Variants in TACC2 observed in about 807,000 individuals in gnomAD.
TACC2 encodes the protein transforming acidic coiled-coil-containing protein 2.
TACC2 carries 137 observed loss-of-function variants against 227.3 expected under a neutral mutation model. That is an observed-to-expected ratio of 0.60 (90% CI 0.52 to 0.69). The LOEUF (loss-of-function observed/expected upper bound fraction) is 0.69. Among genes scored for constraint, TACC2 ranks in the 30% least tolerant of loss-of-function variants. TACC2 has a pLI of 0.00. For missense variants in TACC2, 3,470 were observed against 3,694.4 expected, an observed-to-expected ratio of 0.94 and a Z score of 1.57; for synonymous variants, 1,523 against 1,487.5, an observed-to-expected ratio of 1.02 and a Z score of -0.55.
At chr10:122,022,629 T>G (rs1463185031) in intron 2 of TACC2, 1 of 152,252 alleles carries the variant, frequency 6.6e-6, no homozygotes, top group East Asian at 1.9e-4. Context: ...TTTCCTAGGT[T>G]GTGTCCACCC....
chr10:122,253,524 C>T (rs895012051), intron 22 of TACC2, among the ~76,000 whole-genome samples: 3 of 152,172 alleles, frequency 2.0e-5, no homozygotes, highest in Non-Finnish European at 2.9e-5. Flanking sequence ...TTTGGCATCC[C>T]TCTGAGCAAT....
chr10:122,008,264 A>ATTATTATTTTATTT, intron 1 of TACC2, among the ~76,000 whole-genome samples: 3 of 134,650 alleles, frequency 2.2e-5, no homozygotes, highest in South Asian at 2.4e-4. Flanking sequence ...TATTATTATT[A>ATTATTATTTTATTT]TTTTTTTTTT....
chr10:122,191,502 T>C (rs573160598), intron 7 of TACC2, among the ~76,000 whole-genome samples: 2 of 152,216 alleles, frequency 1.3e-5, no homozygotes, highest in Non-Finnish European at 2.9e-5. Flanking sequence ...ACACTAATGA[T>C]AGCTGATGAG....
chr10:122,013,093 C>A (rs1452187539), intron 1 of TACC2, among the ~76,000 whole-genome samples: 1 of 152,178 alleles, frequency 6.6e-6, no homozygotes, highest in Non-Finnish European at 1.5e-5. Context: ...CCCAGCCTCT[C>A]ACGAGCAGAG....
At chr10:122,002,164 C>T (rs901239897) in intron 1 of TACC2, among the ~76,000 whole-genome samples, 15 of 152,146 alleles carry the variant, frequency 9.9e-5, no homozygotes, top group African/African-American at 3.6e-4. Context: ...GATAAAGGGA[C>T]CATTTCTCTC....
chr10:122,113,798 G>C (rs547305460), intron 5 of TACC2, among the ~76,000 whole-genome samples: 7 of 152,238 alleles, frequency 4.6e-5, no homozygotes, highest in Admixed American at 2.0e-4. Context: ...CGCACTTCGG[G>C]GATCCGGCGC....
chr10:121,992,309 T>C (rs1419365508), intron 1 of TACC2, among the ~76,000 whole-genome samples: 1 of 152,112 alleles, frequency 6.6e-6, no homozygotes. Flanking sequence ...GCTGAGAAAG[T>C]GAAAAACCTG....
intron 1 of TACC2, among the ~76,000 whole-genome samples, chr10:122,020,312 TTGTG>T (rs10556316): frequency 0.041 from 6,224 of 150,462 alleles, 179 homozygotes; most frequent in Non-Finnish European, 0.059. Context: ...GAGCATGTGA[TTGTG>T]TGTGTGTGTG....
In TACC2 at chr10:122,085,487, C is replaced by A. The variant is rs369386229; in HGVS notation, c.2987C>A (p.Ala996Glu). 3.5e-5 allele frequency: 57 copies of A among 1,613,690 alleles called. No homozygotes were observed. The African/African-American group carries it at 7.2e-4, about 20-fold the overall frequency. Residue 996 changes from alanine to glutamate, a missense_variant, in exon 4 of 23, where the codon GCA becomes GAA. Transcript: ENST00000369005. The stretch of plus-strand genomic sequence containing the variant: ...CAGGGGCCAAACAAGTCTCAACAGG[C>A]ATTGGCTGATGCCTTGGAAGAAGGC... The part of the protein sequence containing the change: ...TGQGPNKSQQ[A>E]LADALEEGSQ...
intron 8 of TACC2, among the ~76,000 whole-genome samples, chr10:122,204,934 T>A (rs2095053960): frequency 6.6e-6 from 1 of 152,124 alleles, no homozygotes; most frequent in African/African-American, 2.4e-5. Flanking sequence ...AGTGGGGCTG[T>A]CACTCCAACA....
At chr10:122,136,289 G>A (rs1398957066) in intron 6 of TACC2, among the ~76,000 whole-genome samples, 3 of 151,974 alleles carry the variant, frequency 2.0e-5, no homozygotes, top group Admixed American at 6.6e-5. Flanking sequence ...CTAAGCGGGC[G>A]TCCTAGTGTG....
chr10:122,086,367 C>G lies in TACC2; in HGVS notation c.3867C>G (p.Gly1289=), dbSNP rs1332385929. The change falls in exon 4 of 23, where the codon GGC becomes GGG. Residue 1289 remains glycine (G), a synonymous_variant. Transcript: ENST00000369005. ...CTGCCTCCTTGAAGCTGTTTGCTGG[C>G]TCCCTCGCCCCCCTGTTGCAACCAG... ...ENAASLKLFA[G]SLAPLLQPGA... is the part of the protein sequence containing the mutation. 1 of 1,613,668 alleles carries G rather than the reference C, an allele frequency of 6.2e-7. No individual in the cohort carries two copies. Among genetic ancestry groups the G allele is most frequent in the Admixed American group, 1.7e-5 (1 of 60,032 alleles).
At chr10:122,036,346 C>T (rs576987281) in intron 2 of TACC2, among the ~76,000 whole-genome samples, 73 of 151,036 alleles carry the variant, frequency 4.8e-4, no homozygotes, top group African/African-American at 1.8e-3. Context: ...GTGCCTGCCA[C>T]CACGCCCGGC....
chr10:122,202,888 C>G (rs1284485380), intron 8 of TACC2, among the ~76,000 whole-genome samples: 1 of 151,062 alleles, frequency 6.6e-6, no homozygotes, highest in Non-Finnish European at 1.5e-5. Context: ...CTTCAAGCAT[C>G]TGTTTAACAA....
rs2096183073 is a variant in TACC2 at position 122,248,635 on chromosome 10, C to T, written c.8393-8C>T. On this transcript the variant is annotated splice_region_variant and splice_polypyrimidine_tract_variant and intron_variant, in intron 19 of 22. Transcript: ENST00000369005. Reference sequence around the variant, plus strand: ...CTCCATCATTTGGCTCCTGGTCTCTCCTGCCAGAGGACGAACAGAGAGAGA... The same window carrying T: ...CTCCATCATTTGGCTCCTGGTCTCTTCTGCCAGAGGACGAACAGAGAGAGA... The T allele has an allele frequency of 6.2e-7, 1 of 1,612,486 alleles. No individual in the cohort carries two copies. The highest frequency in any genetic ancestry group is 1.3e-5 in the African/African-American group (1 of 74,858).
At chr10:122,176,117 CTATATATATATA>C (rs35172894) in intron 7 of TACC2, among the ~76,000 whole-genome samples, 26 of 54,654 alleles carry the variant, frequency 4.8e-4, no homozygotes, top group African/African-American at 1.1e-3. Flanking sequence ...CTCTCTCTCT[CTATATATATATA>C]TATATATATA....
intron 6 of TACC2, among the ~76,000 whole-genome samples, chr10:122,133,143 C>T (rs1292158736): frequency 6.6e-6 from 1 of 152,100 alleles, no homozygotes; most frequent in African/African-American, 2.4e-5. Context: ...GGATTCACTG[C>T]TCATTTTCTT....
At chr10:122,158,893 A>G (rs2092654937) in intron 7 of TACC2, among the ~76,000 whole-genome samples, 1 of 152,114 alleles carries the variant, frequency 6.6e-6, no homozygotes, top group Non-Finnish European at 1.5e-5. Flanking sequence ...CCTTCTCCCC[A>G]TCCTCTGAGG....
intron 5 of TACC2, among the ~76,000 whole-genome samples, chr10:122,109,980 A>G (rs957938565): frequency 2.6e-5 from 4 of 152,164 alleles, no homozygotes; most frequent in Non-Finnish European, 4.4e-5. Context: ...TCCAAACAAA[A>G]TCTTATGTAG....
Sources: gnomAD v4.1 joint callset for allele counts (sites outside exome capture counted in the v4.1 genomes callset) on GRCh38, gnomAD v4.1.1 for gene constraint, MANE v1.5 for transcripts, NCBI Gene and HGNC (gene_info 2026-07-23, HGNC 2026-07-21) for gene names.